Variants in ABLIM2 observed in about 807,000 individuals in gnomAD.
ABLIM2 encodes actin-binding LIM protein 2.
ABLIM2 carries 53 observed loss-of-function variants against 97.7 expected under a neutral mutation model. The observed-to-expected ratio is 0.54, with a 90% confidence interval of 0.44 to 0.68. The LOEUF (loss-of-function observed/expected upper bound fraction) is 0.68, where lower values mean the gene tolerates loss of function less well. ABLIM2 is among the 30% of genes least tolerant of loss of function. The pLI, the probability that ABLIM2 is intolerant of heterozygous loss-of-function variation, is 0.00. For synonymous variants in ABLIM2, 361 were observed against 345.8 expected, an observed-to-expected ratio of 1.04 and a Z score of -0.49; for missense variants, 835 against 867.2, an observed-to-expected ratio of 0.96 and a Z score of 0.47.
rs1011934592 is a variant in ABLIM2 at position 8,083,005 on chromosome 4, T to C, written c.455-2203A>G. 6.6e-6 allele frequency among the ~76,000 whole-genome samples: 1 copy of C among 152,162 alleles called. No individual in the cohort carries two copies. Among genetic ancestry groups the C allele is most frequent in the Admixed American group, 6.5e-5 (1 of 15,272 alleles). On this transcript the variant is annotated intron_variant, in intron 4 of 20. Transcript: ENST00000447017. The surrounding 1 kb of genome is among the most constrained non-coding windows in gnomAD (Gnocchi z 4.6). ...ATTTGGCAATGTCTGGCGACCCTTTTGATTGTCATAACTTGGAGGGGGTTC... is the reference window on the plus strand; with the variant it reads ...ATTTGGCAATGTCTGGCGACCCTTTCGATTGTCATAACTTGGAGGGGGTTC...
rs371266077 is a variant in ABLIM2 at position 8,005,310 on chromosome 4, G to A, written c.1618+2749C>T. The A allele has an allele frequency of 3.9e-4, 206 of 531,820 alleles. No individual in the cohort carries two copies. The highest frequency in any genetic ancestry group is 7.3e-4 in the Non-Finnish European group (188 of 259,122). 32.9% of individuals were successfully genotyped at this position (531,820 alleles called of 1,614,324 possible). ...CCCGCTCAGCGTCTGGCACAGAGTG[G>A]GTGCTCAATAAATACCCGTTGAATG... On this transcript the variant is annotated intron_variant, in intron 16 of 20. Transcript: ENST00000447017. The surrounding 1 kb of genome is among the most constrained non-coding windows in gnomAD (Gnocchi z 4.9).
intron 1 of ABLIM2, among the ~76,000 whole-genome samples, chr4:8,135,036 G>A (rs1325767087): frequency 6.6e-6 from 1 of 152,234 alleles, no homozygotes; most frequent in Non-Finnish European, 1.5e-5. Context: ...TGTCCAAAAT[G>A]CTCAGCCAAA....
intron 8 of ABLIM2, among the ~76,000 whole-genome samples, chr4:8,049,055 G>T (rs925474642): frequency 1.3e-5 from 2 of 152,308 alleles, no homozygotes; most frequent in Admixed American, 1.3e-4. Context: ...CCAGGAAGCC[G>T]CCTGTGACCA....
rs1393214926 is a variant in ABLIM2, at chr4:8,015,357, G to A, written c.1423+4261C>T. On this transcript the variant is annotated intron_variant, in intron 14 of 20. Coordinates refer to ENST00000447017, the MANE Select transcript of ABLIM2 (RefSeq NM_001130083.2). The surrounding 1 kb of genome is among the most constrained non-coding windows in gnomAD (Gnocchi z 4.6). Reference sequence around the variant, plus strand: ...GGCCATGAGGAACCCTCTAGGGAGAGGCTGAGTTCCTACTCCCCGGCTCCC... The same window carrying A: ...GGCCATGAGGAACCCTCTAGGGAGAAGCTGAGTTCCTACTCCCCGGCTCCC... Among the ~76,000 whole-genome samples the A allele has an allele frequency of 2.6e-5, 4 of 152,048 alleles. No individual in the cohort carries two copies. The highest frequency in any genetic ancestry group is 4.4e-5 in the Non-Finnish European group (3 of 68,010).
At position 8,127,370 on chromosome 4, in the gene ABLIM2, G is replaced by A. The variant is rs531444547; in HGVS notation, c.11-20733C>T. ...CCGAAGCCTGCACCCACTGGCGCTC[G>A]TGGTGCCGGCGCTCATGACCTTCAC... is the stretch of plus-strand genomic sequence containing the variant. On this transcript the variant is annotated intron_variant, in intron 1 of 20. Transcript: ENST00000447017. The surrounding 1 kb of genome is among the most constrained non-coding windows in gnomAD (Gnocchi z 7.3). 7.2e-5 allele frequency among the ~76,000 whole-genome samples: 11 copies of A among 152,282 alleles called. No individual in the cohort carries two copies. The East Asian group carries it at 1.4e-3, about 19-fold the overall frequency.
rs1288733353 is a variant in ABLIM2, at chr4:7,994,667, T to G, written c.1619-1740A>C. On this transcript the variant is annotated intron_variant, in intron 16 of 20. Transcript: ENST00000447017. ...TTTCTAGTTCTAGATCCCTGAGGAA[T>G]CGCCACACTGACTTCCACAATGGTT... Among the ~76,000 whole-genome samples the G allele has an allele frequency of 2.9e-5, 3 of 102,754 alleles. 1 individual carries two copies. In the Admixed American group the frequency reaches 3.3e-4, roughly 11 times the overall value. 67.4% of individuals were successfully genotyped at this position (102,754 alleles called of 152,430 possible).
intron 6 of ABLIM2, among the ~76,000 whole-genome samples, chr4:8,073,170 G>C (rs1411900926): frequency 1.3e-5 from 2 of 151,640 alleles, no homozygotes; most frequent in Non-Finnish European, 2.9e-5. Context: ...CACGGCAGAG[G>C]GGGCGATGGC....
chr4:8,080,104 C>T (rs949485483), intron 5 of ABLIM2, among the ~76,000 whole-genome samples: 1 of 152,206 alleles, frequency 6.6e-6, no homozygotes, highest in Non-Finnish European at 1.5e-5. Flanking sequence ...TTCCCTGGTT[C>T]CCAAATCGGC....
intron 20 of ABLIM2, among the ~76,000 whole-genome samples, chr4:7,974,426 C>CCAAT (rs1425093442): frequency 1.1e-5 from 1 of 89,796 alleles, no homozygotes; most frequent in African/African-American, 4.3e-5. Flanking sequence ...AATCCATCCA[C>CCAAT]CCACCCTTCC....
At chr4:8,107,025 C>A (rs547695897) in intron 1 of ABLIM2, among the ~76,000 whole-genome samples, 6 of 152,242 alleles carry the variant, frequency 3.9e-5, no homozygotes, top group African/African-American at 1.4e-4. Flanking sequence ...CCTCAGGGGT[C>A]TCAGGGACAA....
chr4:7,997,624 G>C (rs1050520658), intron 16 of ABLIM2, among the ~76,000 whole-genome samples: 2 of 151,872 alleles, frequency 1.3e-5, no homozygotes, highest in Admixed American at 6.6e-5. Flanking sequence ...CTTTGGTGAG[G>C]CTTCCTTTTC....
At chr4:8,115,352 C>A (rs1842346105) in intron 1 of ABLIM2, among the ~76,000 whole-genome samples, 1 of 152,212 alleles carries the variant, frequency 6.6e-6, no homozygotes, top group African/African-American at 2.4e-5. Flanking sequence ...AGCCACTCCT[C>A]CTTTCGCGCC....
chr4:8,054,265 G>C lies in ABLIM2; in HGVS notation c.764-19C>G. On this transcript the variant is annotated intron_variant, in intron 7 of 20. Transcript: ENST00000447017. The surrounding 1 kb of genome is among the most constrained non-coding windows in gnomAD (Gnocchi z 4.9). ...GAGGAACCTGTTGACAAATTCCCAAGAGGGAAATGATTAGAGTTATTTCCC... is the reference window on the plus strand; with the variant it reads ...GAGGAACCTGTTGACAAATTCCCAACAGGGAAATGATTAGAGTTATTTCCC... The C allele has an allele frequency of 1.9e-6, 3 of 1,613,714 alleles. No individual in the cohort carries two copies. Among genetic ancestry groups the C allele is most frequent in the Non-Finnish European group, 2.5e-6 (3 of 1,179,626 alleles).
At position 7,983,390 on chromosome 4, in the gene ABLIM2, T is replaced by C. The variant is rs747046089; in HGVS notation, c.1744-46A>G. On this transcript the variant is annotated intron_variant, in intron 19 of 20. Transcript: ENST00000447017. The stretch of plus-strand genomic sequence containing the variant: ...AGGGTCACCTCACGAAGCAAGTGTA[T>C]GCTGGCACCAAAGAACTGAGCAGAA... The C allele has an allele frequency of 1.9e-6, 3 of 1,594,760 alleles. No individual in the cohort carries two copies. The South Asian group carries it at 3.4e-5, about 18-fold the overall frequency.
intron 16 of ABLIM2, among the ~76,000 whole-genome samples, chr4:7,997,359 T>G (rs1754001532): frequency 6.6e-6 from 1 of 152,180 alleles, no homozygotes; most frequent in African/African-American, 2.4e-5. Context: ...CATGAGCCAC[T>G]GCGCCCAGCC....
intron 17 of ABLIM2, among the ~76,000 whole-genome samples, chr4:7,991,317 G>C (rs545514669): frequency 6.6e-6 from 1 of 152,372 alleles, no homozygotes; most frequent in Non-Finnish European, 1.5e-5. Flanking sequence ...TACAAATGCA[G>C]AGTGTGCTGC....
intron 8 of ABLIM2, among the ~76,000 whole-genome samples, chr4:8,053,772 C>T (rs975445169): frequency 3.3e-5 from 5 of 152,100 alleles, no homozygotes; most frequent in Non-Finnish European, 7.4e-5. Context: ...GATGCCATTA[C>T]TGTGGGAGTG....
intron 14 of ABLIM2, among the ~76,000 whole-genome samples, chr4:8,009,768 G>A (rs999893514): frequency 6.6e-6 from 1 of 152,170 alleles, no homozygotes; most frequent in East Asian, 1.9e-4. Context: ...GGAGGCCTAC[G>A]TGTCTGACTT....
At chr4:8,013,233 T>C (rs1766305828) in intron 14 of ABLIM2, among the ~76,000 whole-genome samples, 1 of 148,168 alleles carries the variant, frequency 6.7e-6, no homozygotes, top group Non-Finnish European at 1.5e-5. Context: ...TTTTTTTTTT[T>C]TTTTTTTGAG....
Sources: allele counts gnomAD v4.1 joint callset (sites outside exome capture counted in the v4.1 genomes callset), GRCh38; gene constraint gnomAD v4.1.1; non-coding constraint Gnocchi (gnomAD v3.1); transcripts MANE v1.5; gene names NCBI Gene and HGNC (gene_info 2026-07-23, HGNC 2026-07-21).